SAMD12: variants seen among roughly 807,000 people sequenced by gnomAD.
SAMD12 encodes the protein sterile alpha motif domain-containing protein 12.
SAMD12 carries 9 observed loss-of-function variants against 15.0 expected under a neutral mutation model. That is an observed-to-expected ratio of 0.60 (90% CI 0.36 to 1.05). The LOEUF is 1.05. Among genes scored for constraint, SAMD12 ranks in the 50% least tolerant of loss-of-function variants. The pLI is 0.01. For missense variants in SAMD12, 230 were observed against 234.2 expected (o/e 0.98, Z 0.12); for synonymous variants, 86 against 90.1 (o/e 0.96, Z 0.25).
At chr8:118,435,713 C>T (rs1332951353) in intron 3 of SAMD12, among the ~76,000 whole-genome samples, 2 of 152,048 alleles carry the variant, frequency 1.3e-5, no homozygotes, top group African/African-American at 4.8e-5. Flanking sequence ...TTTGTAAAAA[C>T]AAATACAGAC....
At chr8:118,203,384 T>TTGTG (rs55916454) in intron 4 of SAMD12, among the ~76,000 whole-genome samples, 8,709 of 149,158 alleles carry the variant, frequency 0.058, 367 homozygotes, top group Non-Finnish European at 0.071. Flanking sequence ...TGGTAACAAC[T>TTGTG]TGTGTGTGTG....
chr8:118,445,268 C>T (rs896964437), intron 2 of SAMD12, among the ~76,000 whole-genome samples: 1 of 152,152 alleles, frequency 6.6e-6, no homozygotes, highest in African/African-American at 2.4e-5. Context: ...ATGGTTAGCT[C>T]ATAGAATACT....
intron 1 of SAMD12, among the ~76,000 whole-genome samples, chr8:118,606,756 G>C (rs938646029): frequency 6.6e-6 from 1 of 152,160 alleles, no homozygotes; most frequent in African/African-American, 2.4e-5. Context: ...CAACGCCCTA[G>C]AAACCTAAAT....
chr8:118,475,705 C>T (rs1194527173), intron 2 of SAMD12, among the ~76,000 whole-genome samples: 1 of 152,176 alleles, frequency 6.6e-6, no homozygotes. Flanking sequence ...GTGAGGCTTA[C>T]TACACACAAA....
intron 1 of SAMD12, among the ~76,000 whole-genome samples, chr8:118,606,735 G>T (rs977026338): frequency 6.6e-6 from 1 of 152,242 alleles, no homozygotes; most frequent in South Asian, 2.1e-4. Flanking sequence ...TAAAATCAGG[G>T]ACAAAAACCT....
chr8:118,521,907 C>T (rs576415293), intron 2 of SAMD12, among the ~76,000 whole-genome samples: 12 of 151,902 alleles, frequency 7.9e-5, no homozygotes, highest in African/African-American at 2.7e-4. Context: ...TTTTTCAAAC[C>T]CATATAGGAT....
At chr8:118,192,463 T>C (rs554175263) in exon 5 of SAMD12, 1 of 152,338 alleles carries the variant, frequency 6.6e-6, no homozygotes, top group East Asian at 1.9e-4. Flanking sequence ...TCTCCAGTGA[T>C]GGATTAATTT....
chr8:118,189,133 T>C (rs913702734), downstream of SAMD12, among the ~76,000 whole-genome samples: 1 of 152,200 alleles, frequency 6.6e-6, no homozygotes, highest in Middle Eastern at 3.4e-3. Flanking sequence ...GTGAAGAGAA[T>C]TGCATCTATC....
intron 3 of SAMD12, among the ~76,000 whole-genome samples, chr8:118,390,794 T>G (rs758857067): frequency 6.6e-6 from 1 of 152,144 alleles, no homozygotes; most frequent in Non-Finnish European, 1.5e-5. Context: ...AAGAGAAGGG[T>G]TAATGGAAAT....
At chr8:118,462,785 A>C (rs1823463637) in intron 2 of SAMD12, among the ~76,000 whole-genome samples, 1 of 152,186 alleles carries the variant, frequency 6.6e-6, no homozygotes, top group Non-Finnish European at 1.5e-5. Context: ...TGCTAGGATA[A>C]AAAGGTTAGG....
chr8:118,222,109 C>T (rs574772982), intron 4 of SAMD12, among the ~76,000 whole-genome samples: 1 of 152,184 alleles, frequency 6.6e-6, no homozygotes, highest in African/African-American at 2.4e-5. Flanking sequence ...CCTGGGTTGG[C>T]TCTAAGACAG....
chr8:118,443,372 C>T (rs572818998), intron 2 of SAMD12, among the ~76,000 whole-genome samples: 3 of 152,134 alleles, frequency 2.0e-5, no homozygotes, highest in East Asian at 3.9e-4. Context: ...ACAGGAGGAT[C>T]GCTTGAACCT....
intron 2 of SAMD12, among the ~76,000 whole-genome samples, chr8:118,554,078 G>A (rs1462114566): frequency 6.6e-6 from 1 of 151,772 alleles, no homozygotes; most frequent in Non-Finnish European, 1.5e-5. Flanking sequence ...CTTTTACACT[G>A]TTGGTGGGAC....
Position 118,425,610 on chromosome 8 carries a change from T to C in SAMD12, c.322+14222A>G, listed in dbSNP as rs149642385. On this transcript the variant is annotated intron_variant, in intron 3 of 3. Transcript: ENST00000314727. ...TACTTAATTGACTTAGTTTCTCCGA[T>C]AGAGTATAAAGCTCAGCATTCACAA... Among the ~76,000 whole-genome samples, 42 of 152,320 alleles carry C rather than the reference T, an allele frequency of 2.8e-4. No homozygotes were observed. In the East Asian group the frequency reaches 7.3e-3, roughly 27 times the overall value.
intron 4 of SAMD12, among the ~76,000 whole-genome samples, chr8:118,370,319 C>T (rs1819019664): frequency 6.6e-6 from 1 of 152,120 alleles, no homozygotes; most frequent in Non-Finnish European, 1.5e-5. Flanking sequence ...GACAGGAATG[C>T]TTTTACACTG....
intron 4 of SAMD12, among the ~76,000 whole-genome samples, chr8:118,294,673 A>T (rs527787726): frequency 1.3e-5 from 2 of 152,354 alleles, no homozygotes; most frequent in African/African-American, 4.8e-5. Flanking sequence ...AATATTTTTT[A>T]AAATTCTTGC....
rs184288039 is a variant in SAMD12 at position 118,576,558 on chromosome 8, T to C, written c.192+4157A>G. On this transcript the variant is annotated intron_variant, in intron 2 of 3. Transcript: ENST00000314727. ...CTACATATTGGAATTTATCCATACT[T>C]CGCAGCATAGGTCAAGTTCTTCCTG... Among the ~76,000 whole-genome samples the C allele has an allele frequency of 2.6e-5, 4 of 152,310 alleles. No individual in the cohort carries two copies. In the East Asian group the frequency reaches 7.7e-4, roughly 29 times the overall value.
intron 4 of SAMD12, among the ~76,000 whole-genome samples, chr8:118,237,058 G>C (rs1039921078): frequency 4.6e-5 from 7 of 152,116 alleles, no homozygotes; most frequent in Non-Finnish European, 1.0e-4. Flanking sequence ...TGAGGATGGT[G>C]GTTATGATAC....
chr8:118,453,803 G>A (rs1002984500), intron 2 of SAMD12, among the ~76,000 whole-genome samples: 1 of 152,076 alleles, frequency 6.6e-6, no homozygotes, highest in African/African-American at 2.4e-5. Flanking sequence ...TTACAGGCAT[G>A]AGCCACCATG....
Sources: allele counts gnomAD v4.1 joint callset (sites outside exome capture counted in the v4.1 genomes callset), GRCh38; gene constraint gnomAD v4.1.1; transcripts MANE v1.5; gene names NCBI Gene and HGNC (gene_info 2026-07-23, HGNC 2026-07-21).